HYCC2: variants seen among roughly 807,000 people sequenced by gnomAD.
HYCC2 encodes the protein hyccin PI4KA lipid kinase complex subunit 2, also known as hyccin 2.
the HYCC2 span, among the ~76,000 whole-genome samples, chr2:200,984,478 T>C: frequency 6.6e-6 from 1 of 152,258 alleles, no homozygotes; most frequent in Non-Finnish European, 1.5e-5. Flanking sequence ...TGTAAAATTA[T>C]TTAAAGCCAT....
chr2:200,985,519 C>T, the HYCC2 span, among the ~76,000 whole-genome samples: 6 of 151,864 alleles, frequency 4.0e-5, no homozygotes, highest in South Asian at 2.1e-4. Context: ...AAAAACTAGC[C>T]GGCTGTGGTG....
chr2:200,989,440 G>A, the HYCC2 span, among the ~76,000 whole-genome samples: 2 of 152,082 alleles, frequency 1.3e-5, no homozygotes, highest in East Asian at 3.8e-4. Flanking sequence ...GAATTCAAAT[G>A]GAGAATTACT....
chr2:201,040,022 C>T, the HYCC2 span, among the ~76,000 whole-genome samples: 2 of 151,770 alleles, frequency 1.3e-5, no homozygotes, highest in East Asian at 3.9e-4. Context: ...AAAATACAAA[C>T]AATTAGCCAG....
the HYCC2 span, chr2:200,977,567 T>G: frequency 2.6e-5 from 4 of 152,298 alleles, no homozygotes; most frequent in East Asian, 3.9e-4. Flanking sequence ...TTAAAAATCT[T>G]CAGGCCAGGT....
the HYCC2 span, among the ~76,000 whole-genome samples, chr2:201,060,237 T>C: frequency 6.6e-6 from 1 of 152,050 alleles, no homozygotes; most frequent in Non-Finnish European, 1.5e-5. Flanking sequence ...GTATAGAAGA[T>C]AAGGAGCAAG....
At chr2:201,028,456 A>G in the HYCC2 span, among the ~76,000 whole-genome samples, 1 of 152,230 alleles carries the variant, frequency 6.6e-6, no homozygotes. Flanking sequence ...GAATTGGAAA[A>G]AAACTACTTT....
the HYCC2 span, among the ~76,000 whole-genome samples, chr2:201,005,469 A>G: frequency 6.6e-6 from 1 of 152,146 alleles, no homozygotes; most frequent in African/African-American, 2.4e-5. Context: ...CTGTGGGTGC[A>G]AGGAGCAGAG....
chr2:201,057,582 G>A, the HYCC2 span, among the ~76,000 whole-genome samples: 5 of 152,178 alleles, frequency 3.3e-5, no homozygotes, highest in African/African-American at 1.2e-4. Context: ...GACTACAATG[G>A]TTGTAATGAG....
the HYCC2 span, chr2:201,023,982 C>A: frequency 6.2e-7 from 1 of 1,613,432 alleles, no homozygotes; most frequent in South Asian, 1.1e-5. Flanking sequence ...AACCATTCTT[C>A]CACAACACAA....
At chr2:201,019,503 G>A in the HYCC2 span, among the ~76,000 whole-genome samples, 3 of 151,934 alleles carry the variant, frequency 2.0e-5, no homozygotes, top group African/African-American at 4.8e-5. Context: ...CTGTAATTCC[G>A]GCACTTTGGG....
chr2:201,036,039 A>C, the HYCC2 span, among the ~76,000 whole-genome samples: 2 of 152,160 alleles, frequency 1.3e-5, no homozygotes, highest in African/African-American at 4.8e-5. Context: ...AAATAGATGC[A>C]ATAAAAAATG....
At chr2:201,008,725 T>C in the HYCC2 span, among the ~76,000 whole-genome samples, 1 of 151,920 alleles carries the variant, frequency 6.6e-6, no homozygotes, top group Non-Finnish European at 1.5e-5. Flanking sequence ...CAAGACCTTT[T>C]CTCTACAAAA....
At chr2:201,062,472 C>A in the HYCC2 span, among the ~76,000 whole-genome samples, 9 of 152,044 alleles carry the variant, frequency 5.9e-5, no homozygotes, top group Admixed American at 1.3e-4. Flanking sequence ...CATGGTGAAA[C>A]CCCGTCTTTA....
At chr2:201,061,115 T>C in the HYCC2 span, among the ~76,000 whole-genome samples, 4 of 151,746 alleles carry the variant, frequency 2.6e-5, no homozygotes, top group African/African-American at 4.8e-5. Context: ...TTCAACTAGC[T>C]GTTTAAAACT....
the HYCC2 span, among the ~76,000 whole-genome samples, chr2:201,066,090 TC>T: frequency 6.6e-6 from 1 of 152,036 alleles, no homozygotes; most frequent in Non-Finnish European, 1.5e-5. Flanking sequence ...TTTTTTTTTT[TC>T]TTTGGAGACA....
At chr2:201,020,316 A>G in the HYCC2 span, among the ~76,000 whole-genome samples, 16 of 152,306 alleles carry the variant, frequency 1.1e-4, no homozygotes, top group Admixed American at 1.0e-3. Flanking sequence ...ACTAAGAGAC[A>G]TGATATTTGA....
At chr2:200,999,032 G>A in the HYCC2 span, among the ~76,000 whole-genome samples, 1 of 152,086 alleles carries the variant, frequency 6.6e-6, no homozygotes, top group Non-Finnish European at 1.5e-5. Flanking sequence ...TGATGGGGGT[G>A]GATGCCAAAC....
the HYCC2 span, chr2:200,992,736 A>C: frequency 1.7e-5 from 10 of 600,150 alleles, no homozygotes; most frequent in Admixed American, 6.6e-5. Context: ...GCTTATTTAA[A>C]AGTACTAAAA....
the HYCC2 span, chr2:200,981,876 G>A: frequency 6.3e-6 from 10 of 1,590,306 alleles, no homozygotes; most frequent in Admixed American, 1.2e-4. This position sits in a 1 kb window ranked among gnomAD's most constrained non-coding sequence, Gnocchi z 4.5. Flanking sequence ...CAGCACCTAA[G>A]AAAACAAATC....
Sources: gnomAD v4.1 joint callset for allele counts (sites outside exome capture counted in the v4.1 genomes callset) on GRCh38, gnomAD v4.1.1 for gene constraint, Gnocchi (gnomAD v3.1) non-coding constraint, MANE v1.5 for transcripts, NCBI Gene and HGNC (gene_info 2026-07-23, HGNC 2026-07-21) for gene names.